STK32A: variants seen among roughly 807,000 people sequenced by gnomAD.
STK32A encodes the protein serine/threonine-protein kinase 32A.
STK32A carries 41 observed loss-of-function variants against 53.2 expected under a neutral mutation model. The observed-to-expected ratio is 0.77, with a 90% CI of 0.60 to 1.00. The LOEUF (loss-of-function observed/expected upper bound fraction) is 1.00, where lower values mean the gene tolerates loss of function less well. Ranked by LOEUF, STK32A falls within the 50% of genes least tolerant of loss-of-function variation. The pLI, the probability that STK32A is intolerant of heterozygous loss-of-function variation, is 0.00. For synonymous variants in STK32A, 166 were observed against 162.8 expected (o/e 1.02, Z -0.15); for missense variants, 458 against 485.8 (o/e 0.94, Z 0.54).
At chr5:147,255,083 T>G (rs1260845398) in intron 2 of STK32A, among the ~76,000 whole-genome samples, 3 of 152,048 alleles carry the variant, frequency 2.0e-5, no homozygotes, top group Non-Finnish European at 4.4e-5. Context: ...GAGCTTGCAG[T>G]GAGGCGAGAT....
At chr5:147,296,427 G>A (rs1162532136) in intron 4 of STK32A, among the ~76,000 whole-genome samples, 1 of 151,990 alleles carries the variant, frequency 6.6e-6, no homozygotes, top group Non-Finnish European at 1.5e-5. Context: ...CCTTTGGGGT[G>A]GACTGTCCGC....
At chr5:147,388,678 G>A (rs1188459297), downstream of STK32A, among the ~76,000 whole-genome samples, 1 of 152,150 alleles carries the variant, frequency 6.6e-6, no homozygotes, top group Non-Finnish European at 1.5e-5. Flanking sequence ...GCTGATTCCA[G>A]AAAGTTATTT....
intron 11 of STK32A, among the ~76,000 whole-genome samples, chr5:147,377,918 G>A (rs141335865): frequency 3.0e-4 from 46 of 152,020 alleles, no homozygotes; most frequent in African/African-American, 1.0e-3. Context: ...TTCTAATCTT[G>A]TACCCCAGGT....
At chr5:147,356,918 G>A (rs1033150906) in intron 7 of STK32A, among the ~76,000 whole-genome samples, 7 of 151,966 alleles carry the variant, frequency 4.6e-5, no homozygotes, top group African/African-American at 1.7e-4. Context: ...ATTATGTCCT[G>A]GAACTTAGTT....
intron 5 of STK32A, among the ~76,000 whole-genome samples, chr5:147,331,448 T>C (rs1754868201): frequency 1.3e-5 from 2 of 152,220 alleles, no homozygotes; most frequent in Admixed American, 6.5e-5. Context: ...GTATAGACGC[T>C]CTTACTTTCA....
At chr5:147,366,658 G>A (rs1038185374) in intron 8 of STK32A, among the ~76,000 whole-genome samples, 4 of 152,112 alleles carry the variant, frequency 2.6e-5, no homozygotes, top group Non-Finnish European at 5.9e-5. Flanking sequence ...AGAAAACCAC[G>A]AAAATGAAAG....
chr5:147,305,776 A>G (rs1380660691), intron 4 of STK32A, among the ~76,000 whole-genome samples: 1 of 151,882 alleles, frequency 6.6e-6, no homozygotes, highest in Non-Finnish European at 1.5e-5. Context: ...GTTTTTTACC[A>G]TTGATAGGCA....
Position 147,323,883 on chromosome 5 carries a change from C to G in STK32A, c.261-15C>G. On this transcript the variant is annotated splice_polypyrimidine_tract_variant and intron_variant, in intron 4 of 12. Coordinates refer to ENST00000397936, the MANE Select transcript of STK32A (RefSeq NM_001112724.2). ...AAATATATTTGATAAGTTTTCTCTT[C>G]TAATGTAATTCCAGGTATTCCTTCC... The G allele has an allele frequency of 1.2e-6, 2 of 1,606,082 alleles. No individual in the cohort carries two copies. The highest frequency in any genetic ancestry group is 1.7e-6 in the Non-Finnish European group (2 of 1,175,436).
At chr5:147,368,643 G>C (rs1312069414) in intron 8 of STK32A, among the ~76,000 whole-genome samples, 2 of 151,996 alleles carry the variant, frequency 1.3e-5, no homozygotes, top group Non-Finnish European at 2.9e-5. Flanking sequence ...TCTGGTAGTT[G>C]ATTAATTCAA....
the STK32A span, chr5:147,397,986 C>T: frequency 1.2e-6 from 1 of 825,312 alleles, no homozygotes; most frequent in South Asian, 2.3e-5. Context: ...TGCAAGCATC[C>T]AGTGGGTAGA....
intron 8 of STK32A, among the ~76,000 whole-genome samples, chr5:147,365,441 A>C (rs1327431036): frequency 6.6e-6 from 1 of 152,152 alleles, no homozygotes; most frequent in Non-Finnish European, 1.5e-5. Context: ...CTTGTAAGCC[A>C]AATGTGTAAG....
chr5:147,254,671 C>A (rs1197725247), intron 2 of STK32A, among the ~76,000 whole-genome samples: 2 of 152,138 alleles, frequency 1.3e-5, no homozygotes, highest in Non-Finnish European at 2.9e-5. Flanking sequence ...TTAGACCACA[C>A]AGGCTAACCT....
rs570255410 is a variant in STK32A, at chr5:147,304,102, C to A, written c.261-19796C>A. On this transcript the variant is annotated intron_variant, in intron 4 of 12. Transcript: ENST00000397936. ...ACAAAGATTAGGGACAAAGGGCAAT[C>A]TGGAAATCTAGGTAGCAGGAACTAT... 3.3e-5 allele frequency among the ~76,000 whole-genome samples: 5 copies of A among 152,290 alleles called. No homozygotes were observed. The East Asian group carries it at 5.8e-4, about 18-fold the overall frequency.
intron 8 of STK32A, 132 bp from the exon 9 acceptor site, chr5:147,370,522 G>C: frequency 2.0e-6 from 1 of 511,234 alleles, no homozygotes; most frequent in Non-Finnish European, 3.5e-6. Context: ...GGCAACGCAA[G>C]AGTCAGCTGG....
chr5:147,366,459 T>G (rs1034137801), intron 8 of STK32A, among the ~76,000 whole-genome samples: 1 of 152,228 alleles, frequency 6.6e-6, no homozygotes, highest in East Asian at 1.9e-4. Flanking sequence ...CCAGTTCGTG[T>G]TGGGGAGGTT....
In STK32A at chr5:147,385,942, A is replaced by G. The variant is rs903616893; in HGVS notation, c.*1959A>G. ...GAAGAAACAGAGATGGCTGTCTTTT[A>G]TGCAGGGCTTTTCCATAAAGAGGTT... On this transcript the variant is annotated 3_prime_UTR_variant, in exon 13 of 13. Transcript: ENST00000397936. 1 of 152,228 alleles carries G rather than the reference A, an allele frequency of 6.6e-6. No individual in the cohort carries two copies. The highest frequency in any genetic ancestry group is 1.5e-5 in the Non-Finnish European group (1 of 68,038). The allele number at this position is 152,228 out of a possible 1,614,324, so 9.4% of individuals were successfully genotyped here. A position where few individuals can be genotyped will look rare whatever the true frequency, so the allele number is the denominator to read the frequency against.
chr5:147,243,653 A>C (rs2151939131), intron 2 of STK32A, among the ~76,000 whole-genome samples: 1 of 151,864 alleles, frequency 6.6e-6, no homozygotes, highest in East Asian at 1.9e-4. Context: ...AGGCAGGAGA[A>C]TCTCTTGAAC....
At chr5:147,250,743 C>T (rs1235745028) in intron 2 of STK32A, among the ~76,000 whole-genome samples, 2 of 151,884 alleles carry the variant, frequency 1.3e-5, no homozygotes, top group Admixed American at 1.3e-4. Context: ...AGATCGAGAC[C>T]ATCCTGGCTA....
chr5:147,370,634 T>C lies in STK32A; in HGVS notation c.661-20T>C, dbSNP rs1028578940. Reference sequence around the variant, plus strand: ...TTTGTCCTATACAAATGAAGACTTTTACTTCTTTTCTCCCTTAAGAGACCG... The same window carrying C: ...TTTGTCCTATACAAATGAAGACTTTCACTTCTTTTCTCCCTTAAGAGACCG... On this transcript the variant is annotated intron_variant, in intron 8 of 12. Coordinates refer to ENST00000397936, the MANE Select transcript of STK32A (RefSeq NM_001112724.2). 2 of 1,535,764 alleles carry C rather than the reference T, an allele frequency of 1.3e-6. No individual in the cohort carries two copies. The highest frequency in any genetic ancestry group is 1.7e-4 in the Middle Eastern group (1 of 5,730).
Sources: gnomAD v4.1 joint callset for allele counts (sites outside exome capture counted in the v4.1 genomes callset) on GRCh38, gnomAD v4.1.1 for gene constraint, MANE v1.5 for transcripts, NCBI Gene and HGNC (gene_info 2026-07-23, HGNC 2026-07-21) for gene names.